Variants in GLI2 observed in about 807,000 individuals in gnomAD.
GLI2 encodes GLI family zinc finger 2.
A neutral mutation model predicts 78.9 loss-of-function variants in GLI2; 22 were observed. That is an observed-to-expected ratio of 0.28 (90% CI 0.20 to 0.40). The LOEUF is 0.40. Ranked by LOEUF, GLI2 falls within the 10% of genes least tolerant of loss-of-function variation. The pLI is 1.00. For synonymous variants in GLI2, 974 were observed against 963.7 expected (o/e 1.01, Z -0.20); for missense variants, 2,097 against 2,213.2 (o/e 0.95, Z 1.05).
intron 2 of GLI2, among the ~76,000 whole-genome samples, chr2:120,883,717 A>G (rs1320432724): frequency 6.6e-6 from 1 of 152,122 alleles, no homozygotes; most frequent in Non-Finnish European, 1.5e-5. Flanking sequence ...TCAGATCTGA[A>G]CCCACTTCTG....
chr2:120,844,256 T>C (rs1687012269), intron 2 of GLI2, among the ~76,000 whole-genome samples: 1 of 152,144 alleles, frequency 6.6e-6, no homozygotes, highest in African/African-American at 2.4e-5. Context: ...GCAGCATAGA[T>C]GGTATGTGCA....
intron 9 of GLI2, among the ~76,000 whole-genome samples, chr2:120,975,740 C>A (rs532130307): frequency 6.6e-6 from 1 of 152,202 alleles, no homozygotes; most frequent in South Asian, 2.1e-4. Context: ...TCCAAACTCT[C>A]ATACTGCAGC....
chr2:120,904,738 G>T (rs1308076333), intron 2 of GLI2, among the ~76,000 whole-genome samples: 3 of 152,220 alleles, frequency 2.0e-5, no homozygotes, highest in African/African-American at 7.2e-5. Context: ...TACTGGGCTG[G>T]GTTTTGGCCT....
At chr2:120,931,182 G>A (rs1679928712) in intron 3 of GLI2, among the ~76,000 whole-genome samples, 1 of 152,256 alleles carries the variant, frequency 6.6e-6, no homozygotes, top group Non-Finnish European at 1.5e-5. Flanking sequence ...TAAAATCAAG[G>A]AGTTGGCAGG....
Position 120,970,411 on chromosome 2 carries a change from C to G in GLI2, c.864C>G (p.Pro288=), listed in dbSNP as rs780747425. ...AGALSPAFTF[P]HPINPVAYQQ... is the part of the protein sequence containing the mutation. ...GTTGCAGCCCAGCCTTCACCTTCCCCCACCCCATCAACCCCGTGGCCTACC... is the reference window on the plus strand; with the variant it reads ...GTTGCAGCCCAGCCTTCACCTTCCCGCACCCCATCAACCCCGTGGCCTACC... Residue 288 remains proline (P), a synonymous_variant, in exon 7 of 14, where the codon CCC becomes CCG. Coordinates refer to ENST00000361492, the MANE Select transcript of GLI2 (RefSeq NM_001374353.1). 145 of 1,612,614 alleles carry G rather than the reference C, an allele frequency of 9.0e-5. No homozygotes were observed. The highest frequency in any genetic ancestry group is 1.2e-4 in the Non-Finnish European group (137 of 1,178,780).
chr2:120,864,910 G>T (rs971297307), intron 2 of GLI2, among the ~76,000 whole-genome samples: 1 of 152,214 alleles, frequency 6.6e-6, no homozygotes, highest in African/African-American at 2.4e-5. Context: ...GACACCTTGG[G>T]AAGGGGTCTC....
In GLI2 at chr2:120,955,329, C is replaced by A. The variant is rs1681200976; in HGVS notation, c.542C>A (p.Thr181Asn). ...TTPSDYYHQM[T>N]LVAGHPAPYG... ...CCCTCAGACTATTACCACCAGATGA[C>A]CCTCGTGGCAGGCCACCCCGCGCCC... Residue 181 changes from threonine to asparagine, a missense_variant, in exon 5 of 14, where the codon ACC (threonine) becomes AAC (asparagine). Physicochemically the swap from Thr to Asn is moderately conservative, Grantham distance 65. Coordinates refer to ENST00000361492, the MANE Select transcript of GLI2 (RefSeq NM_001374353.1). 2.5e-6 allele frequency: 4 copies of A among 1,612,418 alleles called. No individual in the cohort carries two copies. Among genetic ancestry groups the A allele is most frequent in the Non-Finnish European group, 2.5e-6 (3 of 1,178,548 alleles).
chr2:120,891,776 C>G (rs1677694039), intron 2 of GLI2, among the ~76,000 whole-genome samples: 1 of 152,188 alleles, frequency 6.6e-6, no homozygotes, highest in Non-Finnish European at 1.5e-5. Flanking sequence ...CTTACTTGCC[C>G]TTTCCATGCA....
At chr2:120,970,214 G>T (rs908551779) in intron 6 of GLI2, among the ~76,000 whole-genome samples, 179 bp from the exon 7 acceptor site, 1 of 152,140 alleles carries the variant, frequency 6.6e-6, no homozygotes, top group East Asian at 1.9e-4. Context: ...ATCGCAGAAG[G>T]TGAGTGGCAG....
chr2:120,842,058 C>CAA (rs571517244), intron 2 of GLI2, among the ~76,000 whole-genome samples: 70 of 74,454 alleles, frequency 9.4e-4, no homozygotes, highest in Middle Eastern at 8.3e-3. Context: ...TTTGTCAACT[C>CAA]AAAAAAAAAA....
In GLI2 at chr2:120,960,812, G is replaced by C. The variant is rs141727550; in HGVS notation, c.643+5382G>C. On this transcript the variant is annotated intron_variant, in intron 5 of 13. Coordinates refer to ENST00000361492, the MANE Select transcript of GLI2 (RefSeq NM_001374353.1). ...CTGAGGCCAGGGTGCCGGCAGGACA[G>C]AGGGATTTCCCAGGCTCTGATGAAA... Among the ~76,000 whole-genome samples, 492 of 152,368 alleles carry C rather than the reference G, an allele frequency of 3.2e-3. 2 individuals are homozygous for C. Among genetic ancestry groups the C allele is most frequent in the African/African-American group, 0.011 (464 of 41,592 alleles).
At chr2:120,840,377 G>T (rs560228350) in intron 2 of GLI2, among the ~76,000 whole-genome samples, 1 of 152,222 alleles carries the variant, frequency 6.6e-6, no homozygotes, top group African/African-American at 2.4e-5. Flanking sequence ...GGTATCTGGT[G>T]ACTCTTGTGT....
chr2:120,907,117 G>C (rs1034527446), intron 2 of GLI2, among the ~76,000 whole-genome samples: 1 of 152,056 alleles, frequency 6.6e-6, no homozygotes, highest in Non-Finnish European at 1.5e-5. Flanking sequence ...AAGCCTAGTC[G>C]CAGCCCAGCC....
intron 1 of GLI2, among the ~76,000 whole-genome samples, chr2:120,769,307 A>G (rs993107715): frequency 1.3e-5 from 2 of 152,220 alleles, no homozygotes; most frequent in South Asian, 2.1e-4. Context: ...TGGTGAGCCC[A>G]TGGCCAGTGT....
chr2:120,805,320 T>A (rs902714316), intron 2 of GLI2, among the ~76,000 whole-genome samples: 5 of 152,270 alleles, frequency 3.3e-5, no homozygotes, highest in Non-Finnish European at 7.3e-5. Flanking sequence ...GTCACCTCTG[T>A]GTCACCTTGT....
chr2:120,775,024 T>A (rs1683635518), intron 1 of GLI2, among the ~76,000 whole-genome samples: 1 of 152,202 alleles, frequency 6.6e-6, no homozygotes, highest in Non-Finnish European at 1.5e-5. Context: ...GGAAGCATCC[T>A]CCATGTCCAT....
chr2:120,752,726 T>G (rs1361450086), intron 1 of GLI2, among the ~76,000 whole-genome samples: 3 of 152,248 alleles, frequency 2.0e-5, no homozygotes, highest in Non-Finnish European at 4.4e-5. Flanking sequence ...TAGTTTTTTG[T>G]GTATCCTTCC....
intron 2 of GLI2, among the ~76,000 whole-genome samples, chr2:120,803,204 A>G (rs777420568): frequency 5.9e-5 from 9 of 152,252 alleles, no homozygotes; most frequent in Non-Finnish European, 1.2e-4. Context: ...AGTAGTGAGA[A>G]GCAGCCCAGG....
At chr2:120,899,968 T>C (rs980604998) in intron 2 of GLI2, among the ~76,000 whole-genome samples, 5 of 152,170 alleles carry the variant, frequency 3.3e-5, no homozygotes, top group African/African-American at 1.2e-4. Context: ...CAGCTTCTGA[T>C]TCCAAGGGCC....
Sources: gnomAD v4.1 joint callset for allele counts (sites outside exome capture counted in the v4.1 genomes callset) on GRCh38, gnomAD v4.1.1 for gene constraint, MANE v1.5 for transcripts, NCBI Gene and HGNC (gene_info 2026-07-23, HGNC 2026-07-21) for gene names.